SENP2: variants seen among roughly 807,000 people sequenced by gnomAD.
SENP2 encodes SUMO specific peptidase 2.
A neutral mutation model predicts 86.3 loss-of-function variants in SENP2; 16 were observed. The observed-to-expected ratio is 0.19, with a 90% CI of 0.13 to 0.28. The LOEUF (loss-of-function observed/expected upper bound fraction) is 0.28, where lower values mean the gene tolerates loss of function less well. SENP2 is among the 10% of genes least tolerant of loss of function. The pLI, the probability that SENP2 is intolerant of heterozygous loss-of-function variation, is 1.00. For synonymous variants in SENP2, 222 were observed against 238.7 expected (o/e 0.93, Z 0.64); for missense variants, 552 against 703.0 (o/e 0.79, Z 2.43).
chr3:185,625,106 T>G (rs1178865761), intron 15 of SENP2, among the ~76,000 whole-genome samples: 4 of 151,976 alleles, frequency 2.6e-5, no homozygotes, highest in Non-Finnish European at 4.4e-5. Flanking sequence ...GGTATGTATT[T>G]AAGCAAATTT....
In SENP2 at chr3:185,631,132, C is replaced by G. The variant is rs1282325356; in HGVS notation, c.*1288C>G. ...TGCTGAAATGATTTCTAACCCTCTCCCTACTTAAACCTCCCAGACTTGTTC... is the reference window on the plus strand; with the variant it reads ...TGCTGAAATGATTTCTAACCCTCTCGCTACTTAAACCTCCCAGACTTGTTC... On this transcript the variant is annotated 3_prime_UTR_variant, in exon 17 of 17. Transcript: ENST00000296257. 6.6e-6 allele frequency: 1 copy of G among 152,080 alleles called. No homozygotes were observed. Among genetic ancestry groups the G allele is most frequent in the Non-Finnish European group, 1.5e-5 (1 of 68,016 alleles). The allele number at this position is 152,080 out of a possible 1,614,324, so 9.4% of individuals were successfully genotyped here.
chr3:185,628,770 T>C (rs1577750902), intron 16 of SENP2, among the ~76,000 whole-genome samples: 2 of 152,314 alleles, frequency 1.3e-5, no homozygotes, highest in African/African-American at 4.8e-5. Context: ...CCTCCCAAAG[T>C]GCTGGGATTA....
intron 2 of SENP2, among the ~76,000 whole-genome samples, chr3:185,592,671 C>T (rs1279467199): frequency 6.7e-6 from 1 of 149,748 alleles, no homozygotes; most frequent in Non-Finnish European, 1.5e-5. Context: ...GGCTGGAGTG[C>T]AATGGCACAT....
In SENP2 at chr3:185,606,324, G is replaced by C; in HGVS notation, c.450-6G>C. The stretch of plus-strand genomic sequence containing the variant: ...TACTTTTTTTCTTTTTTTTTCTGTT[G>C]CTCAGTTTTACTTTGAACTCAGAAG... On this transcript the variant is annotated splice_polypyrimidine_tract_variant and splice_region_variant and intron_variant, in intron 5 of 16. Transcript: ENST00000296257. The C allele has an allele frequency of 1.9e-6, 3 of 1,568,844 alleles. No individual in the cohort carries two copies. The highest frequency in any genetic ancestry group is 2.6e-6 in the Non-Finnish European group (3 of 1,162,940).
chr3:185,592,020 T>TTTTTTTTTTTC (rs1722023040), intron 2 of SENP2, among the ~76,000 whole-genome samples: 2 of 137,722 alleles, frequency 1.5e-5, no homozygotes, highest in Admixed American at 1.5e-4. Context: ...TCTTTTTTTT[T>TTTTTTTTTTTC]TTTTTTTTTT....
chr3:185,613,551 C>A, intron 10 of SENP2, 143 bp downstream of exon 10: 1 of 509,638 alleles, frequency 2.0e-6, no homozygotes. Flanking sequence ...AGCAAGCCAG[C>A]CAGTCACAGT....
chr3:185,616,501 G>A (rs1389642389), intron 11 of SENP2, among the ~76,000 whole-genome samples: 2 of 149,126 alleles, frequency 1.3e-5, no homozygotes, highest in African/African-American at 4.9e-5. Context: ...GAAGGGCCAG[G>A]CTGGTGGCTC....
At chr3:185,616,563 C>T (rs912007745) in intron 11 of SENP2, among the ~76,000 whole-genome samples, 10 of 151,684 alleles carry the variant, frequency 6.6e-5, no homozygotes, top group Admixed American at 2.6e-4. Context: ...ATCACGAGGT[C>T]AGGAGATCGA....
At chr3:185,621,294 CTT>C (rs962744380) in intron 13 of SENP2, among the ~76,000 whole-genome samples, 10 of 132,836 alleles carry the variant, frequency 7.5e-5, no homozygotes, top group African/African-American at 2.8e-4. Context: ...TAAAAACACA[CTT>C]TTTTTACTAA....
rs916534142 is a variant in SENP2 at position 185,633,543 on chromosome 3, T to C, written c.*3699T>C. The C allele has an allele frequency of 2.0e-5, 3 of 152,216 alleles. No homozygotes were observed. Among genetic ancestry groups the C allele is most frequent in the Non-Finnish European group, 4.4e-5 (3 of 68,052 alleles). 9.4% of individuals were successfully genotyped at this position (152,216 alleles called of 1,614,324 possible). A position where few individuals can be genotyped will look rare whatever the true frequency, so the allele number is the denominator to read the frequency against. On this transcript the variant is annotated 3_prime_UTR_variant, in exon 17 of 17. Transcript: ENST00000296257. ...ATCTATTTACCAATAAATTCATCTCTTTAATTCAGTGGCTTTCACTTGTTT... is the reference window on the plus strand; with the variant it reads ...ATCTATTTACCAATAAATTCATCTCCTTAATTCAGTGGCTTTCACTTGTTT...
At chr3:185,619,273 G>A (rs867891221) in intron 12 of SENP2, 26 bp from the exon 13 acceptor site, 4 of 1,537,816 alleles carry the variant, frequency 2.6e-6, no homozygotes, top group Non-Finnish European at 3.6e-6. Flanking sequence ...CCATGTTCCA[G>A]CTTTTGCTCC....
chr3:185,604,046 G>C lies in SENP2; in HGVS notation c.450-2284G>C, dbSNP rs1345238948. Among the ~76,000 whole-genome samples the C allele has an allele frequency of 4.6e-5, 7 of 152,270 alleles. No homozygotes were observed. In the South Asian group the frequency reaches 1.5e-3, roughly 32 times the overall value. ...TGAGGGAGGAGAATCGCTTCAACCC[G>C]GAAGGCGGAGGTTGTAATGAGCTGA... is the stretch of plus-strand genomic sequence containing the variant. On this transcript the variant is annotated intron_variant, in intron 5 of 16. Transcript: ENST00000296257.
chr3:185,624,132 G>C, intron 15 of SENP2, 50 bp downstream of exon 15: 3 of 1,318,966 alleles, frequency 2.3e-6, no homozygotes, highest in Non-Finnish European at 3.3e-6. Flanking sequence ...TTTACTAATA[G>C]TATATTATCT....
rs1377923835 is a variant in SENP2, at chr3:185,598,825, C to CAAATT, written c.292-131_292-130insATTAA. ...TTCTACATCATTTTGTGAGTCTTGA[C>CAAATT]AAGTTAAACCTTAGGTCTTATTGAT... On this transcript the variant is annotated intron_variant, in intron 3 of 16. Coordinates refer to ENST00000296257, the MANE Select transcript of SENP2 (RefSeq NM_021627.3). The CAAATT allele has an allele frequency of 4.3e-6, 3 of 704,968 alleles. No individual in the cohort carries two copies. The African/African-American group carries it at 5.5e-5, about 13-fold the overall frequency. The allele number at this position is 704,968 out of a possible 1,614,324, so 43.7% of individuals were successfully genotyped here. A position where few individuals can be genotyped will look rare whatever the true frequency, so the allele number is the denominator to read the frequency against.
At position 185,619,496 on chromosome 3, in the gene SENP2, C is replaced by T. The variant is rs1420194620; in HGVS notation, c.1440C>T (p.Ser480=). 1.2e-6 allele frequency: 2 copies of T among 1,613,496 alleles called. No individual in the cohort carries two copies. The highest frequency in any genetic ancestry group is 3.3e-5 in the Admixed American group (2 of 60,000). ...LVPIHRKVHW[S]LVVIDLRKKC... Reference sequence around the variant, plus strand: ...CTATTCATCGGAAGGTACATTGGAGCCTGGTGGTGAGTAGAGAGGGTTAAT... The same window carrying T: ...CTATTCATCGGAAGGTACATTGGAGTCTGGTGGTGAGTAGAGAGGGTTAAT... The change falls in exon 13 of 17, where the codon AGC becomes AGT. Residue 480 remains serine (S), a synonymous_variant. Coordinates refer to ENST00000296257, the MANE Select transcript of SENP2 (RefSeq NM_021627.3).
At chr3:185,609,683 CTA>C (rs1423906880) in intron 7 of SENP2, among the ~76,000 whole-genome samples, 2 of 152,058 alleles carry the variant, frequency 1.3e-5, no homozygotes, top group African/African-American at 2.4e-5. Context: ...ATCTCTCTCT[CTA>C]CCTCCCTTCC....
chr3:185,628,297 T>C (rs987288884), intron 16 of SENP2, among the ~76,000 whole-genome samples: 5 of 152,028 alleles, frequency 3.3e-5, no homozygotes, highest in Non-Finnish European at 7.4e-5. Flanking sequence ...CCACCATGCC[T>C]GGCTAATTTT....
At chr3:185,621,386 C>CTTTTTTTTTTTTTTTTTTT (rs1220771289) in intron 13 of SENP2, among the ~76,000 whole-genome samples, 1 of 78,776 alleles carries the variant, frequency 1.3e-5, no homozygotes, top group Non-Finnish European at 2.3e-5. Context: ...TCTTTTTTTT[C>CTTTTTTTTTTTTTTTTTTT]TTTTTTTTTT....
At chr3:185,588,267 G>T (rs1272621168) in intron 1 of SENP2, among the ~76,000 whole-genome samples, 2 of 150,590 alleles carry the variant, frequency 1.3e-5, no homozygotes, top group Non-Finnish European at 3.0e-5. Flanking sequence ...CCGTGGTCTC[G>T]ATCTCCTGAC....
Sources: gnomAD v4.1 joint callset for allele counts (sites outside exome capture counted in the v4.1 genomes callset) on GRCh38, gnomAD v4.1.1 for gene constraint, MANE v1.5 for transcripts, NCBI Gene and HGNC (gene_info 2026-07-23, HGNC 2026-07-21) for gene names.